The following AUTS2 variants were observed in gnomAD, a reference collection of about 807,000 sequenced individuals.
AUTS2 encodes the protein activator of transcription and developmental regulator AUTS2, also known as autism susceptibility gene 2 protein.
Under a neutral mutation model 112.4 loss-of-function variants are expected in AUTS2, and 17 were observed. That is an observed-to-expected ratio of 0.15 (90% confidence interval 0.10 to 0.23). AUTS2 has a LOEUF of 0.23. AUTS2 is among the 10% of genes least tolerant of loss of function. AUTS2 has a pLI of 1.00. For synonymous variants in AUTS2, 751 were observed against 702.7 expected (o/e 1.07, Z -1.09); for missense variants, 1,510 against 1,701.6 (o/e 0.89, Z 1.98).
intron 2 of AUTS2, among the ~76,000 whole-genome samples, chr7:69,910,486 G>T (rs1426124373): frequency 6.6e-6 from 1 of 152,194 alleles, no homozygotes. Context: ...AAAAAAAGAG[G>T]TTTAATGGAC....
At chr7:70,335,607 G>A (rs566355853) in intron 4 of AUTS2, among the ~76,000 whole-genome samples, 10 of 152,322 alleles carry the variant, frequency 6.6e-5, no homozygotes, top group African/African-American at 9.6e-5. Flanking sequence ...TTTCATTAGC[G>A]TACTTCATCA....
intron 2 of AUTS2, among the ~76,000 whole-genome samples, chr7:70,114,668 T>A (rs945323788): frequency 2.6e-5 from 4 of 152,074 alleles, no homozygotes; most frequent in Admixed American, 2.6e-4. Context: ...GGCACATGCC[T>A]GTCATGCCTG....
intron 1 of AUTS2, among the ~76,000 whole-genome samples, chr7:69,688,216 A>G (rs918922972): frequency 6.6e-6 from 1 of 152,238 alleles, no homozygotes; most frequent in South Asian, 2.1e-4. Flanking sequence ...GAATTGGTGG[A>G]TTCCCTTCAG....
intron 4 of AUTS2, among the ~76,000 whole-genome samples, chr7:70,229,929 T>C (rs1811957470): frequency 6.6e-6 from 1 of 152,190 alleles, no homozygotes. Context: ...ATTTCTACCC[T>C]TTTATTGCTA....
chr7:69,847,968 T>A (rs1792285482), intron 1 of AUTS2, among the ~76,000 whole-genome samples: 1 of 152,222 alleles, frequency 6.6e-6, no homozygotes, highest in Admixed American at 6.5e-5. Flanking sequence ...TGCACTGGAT[T>A]TACTTTGGAG....
chr7:69,986,163 A>G (rs1335455179), intron 2 of AUTS2, among the ~76,000 whole-genome samples: 2 of 152,142 alleles, frequency 1.3e-5, no homozygotes, highest in East Asian at 1.9e-4. Flanking sequence ...TTGCTTATTT[A>G]TTATTATTTT....
intron 1 of AUTS2, among the ~76,000 whole-genome samples, chr7:69,771,126 G>A (rs1396744037): frequency 6.6e-6 from 1 of 152,176 alleles, no homozygotes; most frequent in Non-Finnish European, 1.5e-5. Context: ...TGGCCACTGT[G>A]CACTCATGGC....
chr7:69,956,162 G>A (rs1797201192), intron 2 of AUTS2, among the ~76,000 whole-genome samples: 1 of 151,874 alleles, frequency 6.6e-6, no homozygotes, highest in South Asian at 2.1e-4. Flanking sequence ...CCTTCACCTG[G>A]CATTTTGACC....
intron 1 of AUTS2, among the ~76,000 whole-genome samples, chr7:69,754,205 C>T (rs896283700): frequency 6.6e-6 from 1 of 152,138 alleles, no homozygotes; most frequent in African/African-American, 2.4e-5. Context: ...GGCCCCAACA[C>T]TGTGTGGGAA....
intron 1 of AUTS2, among the ~76,000 whole-genome samples, chr7:69,677,671 T>C (rs1163755337): frequency 6.6e-6 from 1 of 152,258 alleles, no homozygotes; most frequent in Non-Finnish European, 1.5e-5. Context: ...TTTTCAGATA[T>C]TCTTATAGCC....
chr7:70,167,362 C>T (rs1808438523), intron 4 of AUTS2, among the ~76,000 whole-genome samples: 1 of 152,052 alleles, frequency 6.6e-6, no homozygotes, highest in African/African-American at 2.4e-5. Context: ...ATCAAGAAAA[C>T]AAGAATTCAT....
intron 2 of AUTS2, among the ~76,000 whole-genome samples, chr7:69,961,724 A>G (rs532183639): frequency 5.9e-5 from 9 of 152,256 alleles, no homozygotes; most frequent in East Asian, 5.8e-4. Context: ...GTTTCTTAAC[A>G]TATTGTTTAC....
intron 2 of AUTS2, among the ~76,000 whole-genome samples, chr7:69,927,385 A>G (rs1192120828): frequency 6.6e-6 from 1 of 151,896 alleles, no homozygotes; most frequent in Non-Finnish European, 1.5e-5. Context: ...GCTACAAAAC[A>G]TTGTTACTAT....
chr7:70,379,647 A>C (rs1468005565), intron 4 of AUTS2, among the ~76,000 whole-genome samples: 1 of 152,204 alleles, frequency 6.6e-6, no homozygotes, highest in East Asian at 1.9e-4. Flanking sequence ...AGCTTGGTAG[A>C]CTGGCTGCCT....
At chr7:70,326,781 A>G (rs1389558195) in intron 4 of AUTS2, among the ~76,000 whole-genome samples, 1 of 152,172 alleles carries the variant, frequency 6.6e-6, no homozygotes, top group Admixed American at 6.5e-5. Flanking sequence ...TGTGGCAACA[A>G]TGAGGAGACA....
intron 5 of AUTS2, among the ~76,000 whole-genome samples, chr7:70,494,204 A>T (rs1263413459): frequency 6.6e-6 from 1 of 152,200 alleles, no homozygotes; most frequent in East Asian, 1.9e-4. Context: ...AGTCATTGCT[A>T]AGAAGCTTGG....
chr7:70,348,078 C>T (rs1791580455), intron 4 of AUTS2, among the ~76,000 whole-genome samples: 1 of 152,082 alleles, frequency 6.6e-6, no homozygotes. Flanking sequence ...GAAATGAAAG[C>T]CTTGGAGGAT....
intron 1 of AUTS2, among the ~76,000 whole-genome samples, chr7:69,801,068 CT>C (rs1284457751): frequency 6.6e-6 from 1 of 152,042 alleles, no homozygotes; most frequent in Non-Finnish European, 1.5e-5. Flanking sequence ...TGTTATCCCC[CT>C]GGACTGTCTG....
intron 1 of AUTS2, among the ~76,000 whole-genome samples, chr7:69,875,679 G>GA (rs569706281): frequency 2.0e-5 from 3 of 152,132 alleles, no homozygotes; most frequent in Non-Finnish European, 4.4e-5. Flanking sequence ...ATCATTTTAG[G>GA]AAGCACAAAA....
Sources: gnomAD v4.1 joint callset for allele counts (sites outside exome capture counted in the v4.1 genomes callset) on GRCh38, gnomAD v4.1.1 for gene constraint, MANE v1.5 for transcripts, NCBI Gene and HGNC (gene_info 2026-07-23, HGNC 2026-07-21) for gene names.